The following TLR2 variants were observed in gnomAD, a reference collection of about 807,000 sequenced individuals.
TLR2 encodes the protein toll like receptor 2.
In TLR2, 7 loss-of-function variants were observed where a neutral mutation model predicts 9.1. The ratio of observed to expected loss-of-function variants is 0.77; its 90% CI spans 0.44 to 1.44. The LOEUF (loss-of-function observed/expected upper bound fraction) is 1.44. Ranked by LOEUF, TLR2 falls within the 40% of genes most tolerant of loss-of-function variation. The pLI is 0.01. For synonymous variants in TLR2, 317 were observed against 344.6 expected (o/e 0.92, Z 0.89); for missense variants, 812 against 904.6 (o/e 0.90, Z 1.31).
intron 1 of TLR2, among the ~76,000 whole-genome samples, chr4:153,686,632 G>C (rs986854940): frequency 1.3e-5 from 2 of 152,016 alleles, no homozygotes; most frequent in Non-Finnish European, 2.9e-5. Flanking sequence ...TAAGTTAAAG[G>C]TTTCACTGAG....
rs748022720 is a variant in TLR2, at chr4:153,705,145, C to T, written c.2238C>T (p.Pro746=). The T allele has an allele frequency of 1.9e-6, 3 of 1,614,004 alleles. No homozygotes were observed. The African/African-American group carries it at 4.0e-5, about 22-fold the overall frequency. Residue 746 remains proline, a synonymous_variant, in exon 3 of 3, where the codon CCC becomes CCT. Coordinates refer to ENST00000642700, the MANE Select transcript of TLR2 (RefSeq NM_001318789.2). ...AGCCCATTGAGAAAAAAGCCATTCC[C>T]CAGCGCTTCTGCAAGCTGCGGAAGA... is the stretch of plus-strand genomic sequence containing the variant. ...LLEPIEKKAI[P]QRFCKLRKIM...
chr4:153,704,745 A>G lies in TLR2; in HGVS notation c.1838A>G (p.His613Arg), dbSNP rs767133598. 10 of 1,613,742 alleles carry G rather than the reference A, an allele frequency of 6.2e-6. No individual in the cohort carries two copies. In the East Asian group the frequency reaches 2.0e-4, roughly 32 times the overall value. The change falls in exon 3 of 3, where the codon CAT becomes CGT. Residue 613 changes from histidine (H) to arginine (R), a missense_variant. Transcript: ENST00000642700. ...LLTGVLCHRF[H>R]GLWYMKMMWA... ...ACGGGGGTCCTGTGCCACCGTTTCC[A>G]TGGCCTGTGGTATATGAAAATGATG...
At chr4:153,710,170 G>A (rs1186936008), downstream of TLR2, 1 of 466,952 alleles carries the variant, frequency 2.1e-6, no homozygotes, top group East Asian at 3.5e-5. Context: ...TAATGGGAAA[G>A]ATGAAAAAAC....
In TLR2 at chr4:153,705,254, A is replaced by T. The variant is rs575216510; in HGVS notation, c.2347A>T (p.Lys783Ter). Residue 783 changes from lysine (K) to a stop codon, truncating the protein, a stop_gained, in exon 3 of 3, where the codon AAG (lysine) becomes TAG (stop). Transcript: ENST00000642700. LOFTEE classifies it high-confidence loss of function. ...TTGGGTAAATCTGAGAGCTGCGATA[A>T]AGTCCTAGGTTCCCATATTTAAGAC... The part of the protein sequence containing the change: ...GFWVNLRAAI[K>*]S 1.3e-6 allele frequency: 2 copies of T among 1,580,544 alleles called. No homozygotes were observed. The highest frequency in any genetic ancestry group is 1.2e-5 in the South Asian group (1 of 86,850).
intron 2 of TLR2, among the ~76,000 whole-genome samples, chr4:153,699,404 A>C (rs942617533): frequency 1.3e-5 from 2 of 152,206 alleles, no homozygotes; most frequent in Non-Finnish European, 2.9e-5. Flanking sequence ...AGCAGGTACG[A>C]ATCCCTCTAA....
At chr4:153,702,371 C>T (rs1164446012) in intron 2 of TLR2, 2 of 152,306 alleles carry the variant, frequency 1.3e-5, no homozygotes. Flanking sequence ...CTTTTGGTCC[C>T]AAAGCATGCT....
chr4:153,702,759 TCTTTGTGTGTGTGTGTGTGTGTG>T, intron 2 of TLR2, 110 bp from the exon 3 acceptor site: 6 of 570,686 alleles, frequency 1.1e-5, no homozygotes, highest in South Asian at 1.0e-4. Context: ...TCTCTCTCTC[TCTTTGTGTGTGTGTGTGTGTGTG>T]TGTGTGTGTG....
intron 2 of TLR2, 64 bp from the exon 3 acceptor site, chr4:153,702,828 C>A: frequency 7.7e-7 from 1 of 1,300,512 alleles, no homozygotes; most frequent in Non-Finnish European, 1.0e-6. Context: ...AAACATTTCT[C>A]AAGAATTAGA....
At chr4:153,693,319 G>A (rs1736252441) in intron 2 of TLR2, among the ~76,000 whole-genome samples, 1 of 152,176 alleles carries the variant, frequency 6.6e-6, no homozygotes, top group Non-Finnish European at 1.5e-5. Context: ...TGTTCCATAT[G>A]GATTAATAGC....
At position 153,703,280 on chromosome 4, in the gene TLR2, TC is replaced by T; in HGVS notation, c.374del (p.Ser125PhefsTer2). The T allele has an allele frequency of 6.2e-7, 1 of 1,612,612 alleles. No homozygotes were observed. The highest frequency in any genetic ancestry group is 8.5e-7 in the Non-Finnish European group (1 of 1,179,682). ...LSSSWFKPLS[S>X]LTFLNLLGNP... ...GTCTTCCTGGTTCAAGCCCCTTTCT[TC>T]TTTAACATTCTTAAACTTACTGGGA... is the stretch of plus-strand genomic sequence containing the variant. On this transcript the variant is annotated frameshift_variant, in exon 3 of 3. Transcript: ENST00000642700. LOFTEE classifies it low-confidence loss of function (END_TRUNC).
At chr4:153,685,739 TAAAC>T (rs1033396916) in intron 1 of TLR2, among the ~76,000 whole-genome samples, 6 of 152,230 alleles carry the variant, frequency 3.9e-5, no homozygotes, top group Admixed American at 1.3e-4. Context: ...GTTTTATTGA[TAAAC>T]TAACAGAGTA....
In TLR2 at chr4:153,703,026, C is replaced by T. The variant is rs141039581; in HGVS notation, c.119C>T (p.Ser40Leu). 635 of 1,613,996 alleles carry T rather than the reference C, an allele frequency of 3.9e-4. No individual in the cohort carries two copies. Among genetic ancestry groups the T allele is most frequent in the Non-Finnish European group, 5.2e-4 (619 of 1,180,000 alleles). ...CDRNGICKGS[S>L]GSLNSIPSGL... The stretch of plus-strand genomic sequence containing the variant: ...CGCAATGGTATCTGCAAGGGCAGCT[C>T]AGGATCTTTAAACTCCATTCCCTCA... Residue 40 changes from serine (S) to leucine (L), a missense_variant, in exon 3 of 3, where the codon TCA becomes TTA. Transcript: ENST00000642700.
At position 153,703,048 on chromosome 4, in the gene TLR2, C is replaced by T. The variant is rs764683283; in HGVS notation, c.141C>T (p.Pro47=). The change falls in exon 3 of 3, where the codon CCC becomes CCT. Residue 47 remains proline, a synonymous_variant. Transcript: ENST00000642700. ...KGSSGSLNSI[P]SGLTEAVKSL... is the part of the protein sequence containing the mutation. ...GCTCAGGATCTTTAAACTCCATTCC[C>T]TCAGGGCTCACAGAAGCTGTAAAAA... 3 of 1,613,892 alleles carry T rather than the reference C, an allele frequency of 1.9e-6. No homozygotes were observed. The highest frequency in any genetic ancestry group is 1.3e-5 in the African/African-American group (1 of 74,844).
At chr4:153,706,265 C>T (rs1215382873), downstream of TLR2, among the ~76,000 whole-genome samples, 1 of 152,126 alleles carries the variant, frequency 6.6e-6, no homozygotes, top group Non-Finnish European at 1.5e-5. Flanking sequence ...AAGACACTTC[C>T]CACATCCGGA....
At chr4:153,691,605 G>T (rs1399133046) in intron 2 of TLR2, among the ~76,000 whole-genome samples, 7 of 152,076 alleles carry the variant, frequency 4.6e-5, no homozygotes, top group African/African-American at 1.7e-4. Flanking sequence ...TTTGCTTTTT[G>T]ATTAGCTGCA....
intron 2 of TLR2, 33 bp from the exon 3 acceptor site, chr4:153,702,859 A>G (rs1296811034): frequency 1.9e-6 from 3 of 1,542,132 alleles, no homozygotes; most frequent in African/African-American, 2.8e-5. Context: ...GCTGTCAAAC[A>G]CAATGACTTA....
At chr4:153,689,414 G>A (rs879731775) in intron 2 of TLR2, among the ~76,000 whole-genome samples, 3 of 152,140 alleles carry the variant, frequency 2.0e-5, no homozygotes, top group East Asian at 3.9e-4. Context: ...GCCATGGCAC[G>A]CAGACTGAGA....
Position 153,703,781 on chromosome 4 carries a change from G to T in TLR2, c.874G>T (p.Val292Phe). ...LEFDDCTLNG[V>F]GNFRASDNDR... Reference sequence around the variant, plus strand: ...GTTTGATGACTGTACCCTTAATGGAGTTGGTAATTTTAGAGCATCTGATAA... The same window carrying T: ...GTTTGATGACTGTACCCTTAATGGATTTGGTAATTTTAGAGCATCTGATAA... Residue 292 changes from valine to phenylalanine, a missense_variant, in exon 3 of 3, where the codon GTT (valine) becomes TTT (phenylalanine). Transcript: ENST00000642700. 1 of 1,613,948 alleles carries T rather than the reference G, an allele frequency of 6.2e-7. No individual in the cohort carries two copies. Among genetic ancestry groups the T allele is most frequent in the Non-Finnish European group, 8.5e-7 (1 of 1,179,976 alleles).
chr4:153,707,522 C>G (rs1286818774), downstream of TLR2, among the ~76,000 whole-genome samples: 1 of 151,930 alleles, frequency 6.6e-6, no homozygotes, highest in Non-Finnish European at 1.5e-5. Flanking sequence ...TGCACTCCAG[C>G]CTGGGTGACA....
Sources: gnomAD v4.1 joint callset for allele counts (sites outside exome capture counted in the v4.1 genomes callset) on GRCh38, gnomAD v4.1.1 for gene constraint, MANE v1.5 for transcripts, NCBI Gene and HGNC (gene_info 2026-07-23, HGNC 2026-07-21) for gene names.